The following ST6GALNAC5 variants were observed in gnomAD, a reference collection of about 807,000 sequenced individuals.
ST6GALNAC5 encodes the protein ST6 N-acetylgalactosaminide alpha-2,6-sialyltransferase 5.
ST6GALNAC5 carries 27 observed loss-of-function variants against 33.6 expected under a neutral mutation model. The ratio of observed to expected loss-of-function variants is 0.80; its 90% CI spans 0.59 to 1.11. ST6GALNAC5 has a LOEUF of 1.11. Among genes scored for constraint, ST6GALNAC5 ranks in the 50% least tolerant of loss-of-function variants. The pLI is 0.00. For missense variants in ST6GALNAC5, 428 were observed against 454.0 expected (o/e 0.94, Z 0.52); for synonymous variants, 194 against 171.2 (o/e 1.13, Z -1.04).
At chr1:77,028,474 C>T (rs145852859) in intron 2 of ST6GALNAC5, among the ~76,000 whole-genome samples, 83 of 152,268 alleles carry the variant, frequency 5.5e-4, no homozygotes, top group African/African-American at 2.0e-3. Flanking sequence ...AATGGAAAGC[C>T]GAAACCCACT....
intron 2 of ST6GALNAC5, among the ~76,000 whole-genome samples, chr1:77,001,212 C>T (rs1650148297): frequency 8.4e-6 from 1 of 118,436 alleles, no homozygotes; most frequent in African/African-American, 3.0e-5. Flanking sequence ...CTTCACATCC[C>T]TTGTAAGTTG....
At chr1:77,062,856 A>T in intron 4 of ST6GALNAC5, 119 bp from the exon 5 acceptor site, 1 of 689,872 alleles carries the variant, frequency 1.4e-6, no homozygotes, top group Non-Finnish European at 2.4e-6. Flanking sequence ...ATTTGTTCAA[A>T]CTCATTTAAC....
rs1648434703 is a variant in ST6GALNAC5, at chr1:76,965,558, TC to T, written c.262-78643del. On this transcript the variant is annotated intron_variant, in intron 2 of 4. Coordinates refer to ENST00000477717, the MANE Select transcript of ST6GALNAC5 (RefSeq NM_030965.3). ...AAAATTTTCTCCCATTCTCTATATT[TC>T]CCATTCACTCTGACAGTAGTTTCTT... Among the ~76,000 whole-genome samples, 3 of 152,106 alleles carry T rather than the reference TC, an allele frequency of 2.0e-5. No homozygotes were observed. In the South Asian group the frequency reaches 6.2e-4, roughly 31 times the overall value.
intron 2 of ST6GALNAC5, among the ~76,000 whole-genome samples, chr1:77,006,464 C>G (rs1650423939): frequency 6.6e-6 from 1 of 151,776 alleles, no homozygotes; most frequent in Non-Finnish European, 1.5e-5. Flanking sequence ...CAGGCGCCAG[C>G]CACCACGCCT....
rs569520345 is a variant in ST6GALNAC5 at position 76,867,599 on chromosome 1, C to T, written c.-77C>T. 10 of 1,610,588 alleles carry T rather than the reference C, an allele frequency of 6.2e-6. No homozygotes were observed. The highest frequency in any genetic ancestry group is 2.2e-5 in the South Asian group (2 of 91,022). On this transcript the variant is annotated 5_prime_UTR_variant, in exon 1 of 5. Coordinates refer to ENST00000477717, the MANE Select transcript of ST6GALNAC5 (RefSeq NM_030965.3). ...ATCAGAGCCGCCTCCGCCCCATTAC[C>T]CATCATGGAAACCCTCCAGGAAAAA...
chr1:76,878,492 A>C (rs186310628), intron 2 of ST6GALNAC5, among the ~76,000 whole-genome samples: 13 of 152,302 alleles, frequency 8.5e-5, no homozygotes, highest in African/African-American at 3.1e-4. Context: ...GCTCAGAGCC[A>C]GTGTCCAGTA....
At position 76,871,573 on chromosome 1, in the gene ST6GALNAC5, A is replaced by T. The variant is rs563384856; in HGVS notation, c.261+2831A>T. Among the ~76,000 whole-genome samples, 5 of 152,100 alleles carry T rather than the reference A, an allele frequency of 3.3e-5. No homozygotes were observed. The South Asian group carries it at 1.0e-3, about 32-fold the overall frequency. On this transcript the variant is annotated intron_variant, in intron 2 of 4. Coordinates refer to ENST00000477717, the MANE Select transcript of ST6GALNAC5 (RefSeq NM_030965.3). ...CACAAATTACAGCCTGTCTGCAATGATGGTCTTGTCTCATATGGCTGCAGA... is the reference window on the plus strand; with the variant it reads ...CACAAATTACAGCCTGTCTGCAATGTTGGTCTTGTCTCATATGGCTGCAGA...
At chr1:77,052,253 G>C (rs1045047284) in intron 4 of ST6GALNAC5, among the ~76,000 whole-genome samples, 2 of 152,182 alleles carry the variant, frequency 1.3e-5, no homozygotes, top group Admixed American at 1.3e-4. Flanking sequence ...GTGCTGGAGA[G>C]AGCATTCTGC....
intron 2 of ST6GALNAC5, among the ~76,000 whole-genome samples, chr1:77,024,044 C>T (rs935957539): frequency 2.0e-5 from 3 of 152,148 alleles, no homozygotes; most frequent in African/African-American, 7.2e-5. Flanking sequence ...CAAGCTGCAA[C>T]CAGGCCCCAG....
chr1:76,967,231 C>T (rs917619604), intron 2 of ST6GALNAC5, among the ~76,000 whole-genome samples: 1 of 152,010 alleles, frequency 6.6e-6, no homozygotes, highest in Non-Finnish European at 1.5e-5. Context: ...TGGTCCTGGA[C>T]TTTTTTTGGT....
intron 2 of ST6GALNAC5, among the ~76,000 whole-genome samples, chr1:76,957,560 T>C (rs1488390275): frequency 2.6e-5 from 4 of 152,144 alleles, no homozygotes; most frequent in Non-Finnish European, 5.9e-5. Context: ...ATTGTTAACA[T>C]TTTGACACAT....
intron 2 of ST6GALNAC5, among the ~76,000 whole-genome samples, chr1:76,924,711 A>C (rs959450951): frequency 6.6e-6 from 1 of 152,128 alleles, no homozygotes; most frequent in Non-Finnish European, 1.5e-5. Context: ...TCAAACACCT[A>C]GGGTTTCAGA....
At chr1:76,876,219 G>T (rs188938293) in intron 2 of ST6GALNAC5, among the ~76,000 whole-genome samples, 76 of 152,310 alleles carry the variant, frequency 5.0e-4, no homozygotes, top group African/African-American at 1.8e-3. Flanking sequence ...CCCAAGGAAT[G>T]GTGCCATATC....
At chr1:76,954,180 A>G (rs1048500536) in intron 2 of ST6GALNAC5, among the ~76,000 whole-genome samples, 14 of 152,174 alleles carry the variant, frequency 9.2e-5, no homozygotes, top group Non-Finnish European at 2.1e-4. Context: ...CATATACACC[A>G]TGGAATACTG....
At chr1:77,037,153 A>C (rs953834510) in intron 2 of ST6GALNAC5, among the ~76,000 whole-genome samples, 16 of 152,218 alleles carry the variant, frequency 1.1e-4, no homozygotes, top group Non-Finnish European at 1.6e-4. Context: ...TAGAAGCTGC[A>C]GATCTTGAGA....
intron 2 of ST6GALNAC5, among the ~76,000 whole-genome samples, chr1:76,906,530 A>G (rs1231085712): frequency 6.6e-6 from 1 of 152,198 alleles, no homozygotes; most frequent in Non-Finnish European, 1.5e-5. Context: ...TGCCTCTTAA[A>G]GTGTTTAATT....
intron 2 of ST6GALNAC5, among the ~76,000 whole-genome samples, chr1:76,888,143 G>T (rs146111834): frequency 1.4e-4 from 22 of 152,298 alleles, no homozygotes; most frequent in Non-Finnish European, 3.1e-4. Context: ...AATGACAAAG[G>T]TGTCAATGTG....
intron 2 of ST6GALNAC5, among the ~76,000 whole-genome samples, chr1:76,885,611 T>A (rs1428010237): frequency 6.6e-6 from 1 of 152,216 alleles, no homozygotes; most frequent in African/African-American, 2.4e-5. Context: ...TGTTTAATAG[T>A]TTGAAACCAA....
chr1:76,919,206 C>T (rs1020345221), intron 2 of ST6GALNAC5, among the ~76,000 whole-genome samples: 6 of 152,138 alleles, frequency 3.9e-5, no homozygotes, highest in African/African-American at 1.4e-4. Flanking sequence ...AGCTTCCAGG[C>T]CGCCTCAGTA....
Sources: allele counts gnomAD v4.1 joint callset (sites outside exome capture counted in the v4.1 genomes callset), GRCh38; gene constraint gnomAD v4.1.1; transcripts MANE v1.5; gene names NCBI Gene and HGNC (gene_info 2026-07-23, HGNC 2026-07-21).